Variants in PICALM observed in about 807,000 individuals in gnomAD.
PICALM encodes the protein phosphatidylinositol-binding clathrin assembly protein.
Under a neutral mutation model 80.5 loss-of-function variants are expected in PICALM, and 40 were observed. The observed-to-expected ratio is 0.50, with a 90% CI of 0.39 to 0.65. PICALM has a LOEUF of 0.65. PICALM is among the 30% of genes least tolerant of loss of function. The pLI is 0.00. For synonymous variants in PICALM, 288 were observed against 260.3 expected, an observed-to-expected ratio of 1.11 and a Z score of -1.02; for missense variants, 676 against 778.9, an observed-to-expected ratio of 0.87 and a Z score of 1.57.
rs2095135362 is a variant in PICALM at position 86,001,262 on chromosome 11, T to C, written c.894-104A>G. ...ACCTTGCCATGGATAGGCACTATAA[T>C]TATAAACTTAACTTCTGGATTCAAA... On this transcript the variant is annotated intron_variant, in intron 9 of 19. Transcript: ENST00000393346. 4 of 1,020,460 alleles carry C rather than the reference T, an allele frequency of 3.9e-6. No homozygotes were observed. In the Admixed American group the frequency reaches 6.9e-5, roughly 18 times the overall value. 63.2% of individuals were successfully genotyped at this position (1,020,460 alleles called of 1,614,324 possible).
chr11:85,996,844 C>G lies in PICALM; in HGVS notation c.1240G>C (p.Val414Leu). ...SVHPMSTASQ[V>L]ASTWGDPFSA... ...TGCTTACCTCCCCATGTACTTGCTA[C>G]CTGAGAAGCAGTTGACATAGGATGT... The change falls in exon 12 of 20, where the codon GTA becomes CTA. Residue 414 changes from valine to leucine, a missense_variant. This residue lies in a region of PICALM where 391 missense variants were observed against 383.6 expected (regional missense o/e 1.02). Coordinates refer to ENST00000393346, the MANE Select transcript of PICALM (RefSeq NM_007166.4). 6.2e-7 allele frequency: 1 copy of G among 1,604,024 alleles called. No individual in the cohort carries two copies. Among genetic ancestry groups the G allele is most frequent in the Non-Finnish European group, 8.5e-7 (1 of 1,171,514 alleles).
intron 5 of PICALM, among the ~76,000 whole-genome samples, chr11:86,013,811 T>C (rs112274291): frequency 6.6e-6 from 1 of 152,106 alleles, no homozygotes; most frequent in African/African-American, 2.4e-5. Context: ...ATGGTAAATA[T>C]TTTAGACTGT....
At chr11:86,055,327 C>CAA (rs1203232255) in intron 1 of PICALM, among the ~76,000 whole-genome samples, 3 of 107,744 alleles carry the variant, frequency 2.8e-5, no homozygotes, top group Non-Finnish European at 2.0e-5. Flanking sequence ...AACTCCGTCT[C>CAA]AAAAAAAAAA....
At chr11:86,024,700 T>A (rs1215389049) in intron 3 of PICALM, among the ~76,000 whole-genome samples, 1 of 152,206 alleles carries the variant, frequency 6.6e-6, no homozygotes, top group African/African-American at 2.4e-5. Context: ...GAGGGCTATC[T>A]GCCACTACAT....
At chr11:86,065,360 T>C (rs1043804430) in intron 1 of PICALM, among the ~76,000 whole-genome samples, 3 of 152,048 alleles carry the variant, frequency 2.0e-5, no homozygotes, top group African/African-American at 7.2e-5. Flanking sequence ...GCAGAATCTC[T>C]TGAACCTGGG....
intron 19 of PICALM, among the ~76,000 whole-genome samples, chr11:85,972,006 C>T (rs747746115): frequency 7.2e-5 from 11 of 152,192 alleles, no homozygotes; most frequent in South Asian, 2.1e-4. Flanking sequence ...TGGTCTTGAA[C>T]TCCCGACCTC....
chr11:85,968,293 A>AAAAAACAAAAC (rs113375890), intron 19 of PICALM, among the ~76,000 whole-genome samples: 2 of 151,200 alleles, frequency 1.3e-5, no homozygotes, highest in South Asian at 2.1e-4. Flanking sequence ...CCTGTCTCAA[A>AAAAAACAAAAC]AAAACAAAAC....
intron 9 of PICALM, among the ~76,000 whole-genome samples, chr11:86,002,213 T>C (rs2095164587): frequency 6.6e-6 from 1 of 152,152 alleles, no homozygotes; most frequent in African/African-American, 2.4e-5. Context: ...ACTTCGAAAA[T>C]CTTACTAGAA....
At chr11:85,969,733 G>T in intron 19 of PICALM, 2 of 334,674 alleles carry the variant, frequency 6.0e-6, no homozygotes, top group Non-Finnish European at 1.2e-5. Flanking sequence ...TGCCCAGGTT[G>T]GTCTGGAACT....
chr11:86,055,902 G>A (rs1457999266), intron 1 of PICALM, among the ~76,000 whole-genome samples: 2 of 151,872 alleles, frequency 1.3e-5, no homozygotes, highest in South Asian at 2.1e-4. Context: ...TTGGGAGGCC[G>A]AGGCAGGTAG....
intron 19 of PICALM, among the ~76,000 whole-genome samples, chr11:85,970,964 C>T (rs1363205204): frequency 6.6e-6 from 1 of 152,064 alleles, no homozygotes; most frequent in Non-Finnish European, 1.5e-5. Flanking sequence ...AAAGAGGTTC[C>T]AAGACTGGGT....
chr11:86,026,441 G>T, intron 2 of PICALM, 74 bp from the exon 3 acceptor site: 1 of 835,874 alleles, frequency 1.2e-6, no homozygotes, highest in Non-Finnish European at 2.0e-6. Context: ...AGGAGGAAAA[G>T]TTATGGTTAA....
intron 1 of PICALM, among the ~76,000 whole-genome samples, chr11:86,033,525 T>C (rs1379900178): frequency 1.3e-5 from 2 of 152,134 alleles, no homozygotes; most frequent in Non-Finnish European, 1.5e-5. Flanking sequence ...CCATAGCTAT[T>C]TGCTAAAGTG....
At chr11:86,047,958 G>A (rs933818469) in intron 1 of PICALM, among the ~76,000 whole-genome samples, 16 of 152,028 alleles carry the variant, frequency 1.1e-4, no homozygotes, top group African/African-American at 2.4e-4. Context: ...AAAATTAGCC[G>A]GGCATGGTGG....
chr11:86,006,300 C>T (rs1795273757), intron 8 of PICALM, among the ~76,000 whole-genome samples: 1 of 152,100 alleles, frequency 6.6e-6, no homozygotes, highest in Admixed American at 6.6e-5. Context: ...AGGGAAGAAT[C>T]AGAACAAGTG....
intron 1 of PICALM, among the ~76,000 whole-genome samples, chr11:86,035,389 C>A (rs1265783762): frequency 6.6e-6 from 1 of 152,138 alleles, no homozygotes; most frequent in Non-Finnish European, 1.5e-5. Context: ...TTCTCAAGTT[C>A]CCATCTAAAC....
intron 9 of PICALM, among the ~76,000 whole-genome samples, chr11:86,002,699 G>A (rs1408763988): frequency 6.6e-6 from 1 of 152,162 alleles, no homozygotes; most frequent in African/African-American, 2.4e-5. Context: ...TGAGGATTGA[G>A]CAAATTAATA....
At chr11:86,038,215 G>A (rs1313328190) in intron 1 of PICALM, among the ~76,000 whole-genome samples, 2 of 152,132 alleles carry the variant, frequency 1.3e-5, no homozygotes, top group African/African-American at 2.4e-5. Flanking sequence ...AGCTACTTGG[G>A]AGGCTGACAC....
At chr11:86,063,533 T>C (rs1390140004) in intron 1 of PICALM, among the ~76,000 whole-genome samples, 1 of 152,168 alleles carries the variant, frequency 6.6e-6, no homozygotes, top group Non-Finnish European at 1.5e-5. Flanking sequence ...GAGTTCCTCT[T>C]TTAAAACACA....
Sources: gnomAD v4.1 joint callset for allele counts (sites outside exome capture counted in the v4.1 genomes callset) on GRCh38, gnomAD v4.1.1 for gene constraint, gnomAD v4.1.1 regional missense constraint, MANE v1.5 for transcripts, NCBI Gene and HGNC (gene_info 2026-07-23, HGNC 2026-07-21) for gene names.